Variants in BSDC1 observed in about 807,000 individuals in gnomAD.
BSDC1 encodes BSD domain-containing protein 1.
A neutral mutation model predicts 56.0 loss-of-function variants in BSDC1; 29 were observed. That is an observed-to-expected ratio of 0.52 (90% CI 0.39 to 0.71). BSDC1 has a LOEUF of 0.71. BSDC1 is among the 30% of genes least tolerant of loss of function. The pLI is 0.00. For synonymous variants in BSDC1, 210 were observed against 215.3 expected (o/e 0.98, Z 0.21); for missense variants, 477 against 548.5 (o/e 0.87, Z 1.30).
chr1:32,376,270 C>A lies in BSDC1; in HGVS notation c.1148G>T (p.Gly383Val). 1 of 1,497,776 alleles carries A rather than the reference C, an allele frequency of 6.7e-7. No homozygotes were observed. 92.8% of individuals were successfully genotyped at this position (1,497,776 alleles called of 1,614,324 possible). The part of the protein sequence containing the change: ...DSGKSTPSNN[G>V]KKGSSTDISE... ...TGGACCTCCAGACCTACCTTTCTTT[C>A]CATTGTTGGAGGGTGTAGACTTCCC... is the stretch of plus-strand genomic sequence containing the variant. The change falls in exon 9 of 11, where the codon GGA becomes GTA. Residue 383 changes from glycine to valine, a missense_variant. Physicochemically the swap from Gly to Val is moderately radical, Grantham distance 109. Transcript: ENST00000455895.
chr1:32,374,800 G>T (rs1345984449), intron 9 of BSDC1: 2 of 152,302 alleles, frequency 1.3e-5, no homozygotes, highest in African/African-American at 4.8e-5. Context: ...CCTGCTTTAT[G>T]CTTCCTCACA....
At position 32,383,128 on chromosome 1, in the gene BSDC1, C is replaced by T. The variant is rs563774162; in HGVS notation, c.357+702G>A. On this transcript the variant is annotated intron_variant, in intron 4 of 10. Transcript: ENST00000455895. ...AATGGAATAAATAATGCTATATTCA[C>T]TTGTAAGAATTTAAAGACATTAAAA... 1.3e-4 allele frequency among the ~76,000 whole-genome samples: 20 copies of T among 152,082 alleles called. No homozygotes were observed. The South Asian group carries it at 3.7e-3, about 28-fold the overall frequency.
At chr1:32,382,142 G>T (rs545994504) in intron 4 of BSDC1, among the ~76,000 whole-genome samples, 6 of 151,198 alleles carry the variant, frequency 4.0e-5, no homozygotes, top group South Asian at 2.1e-4. Flanking sequence ...CAGGAGAATC[G>T]CTTGAACCCA....
chr1:32,394,066 C>G lies in BSDC1; in HGVS notation c.72+14G>C, dbSNP rs1381562287. 1 of 1,605,074 alleles carries G rather than the reference C, an allele frequency of 6.2e-7. No homozygotes were observed. Among genetic ancestry groups the G allele is most frequent in the East Asian group, 2.2e-5 (1 of 44,448 alleles). The stretch of plus-strand genomic sequence containing the variant: ...GGGCCCTGCTGAGGGAAGAAGGGCA[C>G]GGGCCCGGCTTACCTTCTCTTTGAC... On this transcript the variant is annotated intron_variant, in intron 2 of 10. Transcript: ENST00000455895.
At chr1:32,377,084 G>A (rs1318028501) in intron 8 of BSDC1, among the ~76,000 whole-genome samples, 4 of 152,036 alleles carry the variant, frequency 2.6e-5, no homozygotes, top group Admixed American at 1.3e-4. Context: ...TGCAGTGGGC[G>A]GAGATTGCGC....
At chr1:32,382,099 C>T (rs538602480) in intron 4 of BSDC1, among the ~76,000 whole-genome samples, 3 of 151,948 alleles carry the variant, frequency 2.0e-5, no homozygotes, top group East Asian at 1.9e-4. Context: ...TGGTGATGTG[C>T]GCCTGTAATC....
At chr1:32,377,543 G>C (rs755857402) in intron 8 of BSDC1, among the ~76,000 whole-genome samples, 7 of 152,172 alleles carry the variant, frequency 4.6e-5, no homozygotes, top group Non-Finnish European at 8.8e-5. Flanking sequence ...TCTAAGCTGA[G>C]CTACAGGTAG....
At chr1:32,367,806 G>A (rs1370168400) in intron 10 of BSDC1, 7 of 897,488 alleles carry the variant, frequency 7.8e-6, no homozygotes, top group Non-Finnish European at 9.4e-6. Flanking sequence ...TCAGGCAATA[G>A]CCCTAAGGTG....
Position 32,394,417 on chromosome 1 carries a change from T to A in BSDC1, c.-3A>T, listed in dbSNP as rs1239708337. 1.2e-6 allele frequency: 2 copies of A among 1,614,190 alleles called. No individual in the cohort carries two copies. The highest frequency in any genetic ancestry group is 2.2e-5 in the South Asian group (2 of 91,082). Reference sequence around the variant, plus strand: ...CGACAAGCTCACCCTTCCGCCATCTTGCCTGCATGACATCACCACTATTTA... The same window carrying A: ...CGACAAGCTCACCCTTCCGCCATCTAGCCTGCATGACATCACCACTATTTA... On this transcript the variant is annotated 5_prime_UTR_variant, in exon 1 of 11. Transcript: ENST00000455895.
intron 10 of BSDC1, 37 bp downstream of exon 10, chr1:32,368,410 T>C (rs1641932813): frequency 1.2e-6 from 2 of 1,614,102 alleles, no homozygotes; most frequent in Non-Finnish European, 1.7e-6. Context: ...CCAGGACCAT[T>C]AGGCTCGCTT....
Position 32,378,224 on chromosome 1 carries a change from C to T in BSDC1, c.588G>A (p.Gln196=). 1 of 1,614,216 alleles carries T rather than the reference C, an allele frequency of 6.2e-7. No individual in the cohort carries two copies. The highest frequency in any genetic ancestry group is 8.5e-7 in the Non-Finnish European group (1 of 1,180,030). ...TGCTAGACCAGCATACCTGCTCTAACTGATGGACTTTATAGAAATACCGAT... is the reference window on the plus strand; with the variant it reads ...TGCTAGACCAGCATACCTGCTCTAATTGATGGACTTTATAGAAATACCGAT... ...FWHRYFYKVH[Q]LEQEQARRDA... is the part of the protein sequence containing the mutation. The change falls in exon 7 of 11, where the codon CAG becomes CAA. Residue 196 remains glutamine, a synonymous_variant. Coordinates refer to ENST00000455895, the MANE Select transcript of BSDC1 (RefSeq NM_018045.8). The surrounding 1 kb of genome is among the most constrained non-coding windows in gnomAD (Gnocchi z 5.2).
Position 32,394,418 on chromosome 1 carries a change from G to T in BSDC1, c.-4C>A. 1 of 1,614,112 alleles carries T rather than the reference G, an allele frequency of 6.2e-7. No individual in the cohort carries two copies. The highest frequency in any genetic ancestry group is 8.5e-7 in the Non-Finnish European group (1 of 1,180,036). On this transcript the variant is annotated 5_prime_UTR_variant, in exon 1 of 11. Transcript: ENST00000455895. ...GACAAGCTCACCCTTCCGCCATCTT[G>T]CCTGCATGACATCACCACTATTTAC...
At position 32,371,792 on chromosome 1, in the gene BSDC1, C is replaced by A. The variant is rs547612398; in HGVS notation, c.1157-3242G>T. On this transcript the variant is annotated intron_variant, in intron 9 of 10. Transcript: ENST00000455895. Reference sequence around the variant, plus strand: ...ATGGTATCCTGCATCATCCTCTCTTCTAGCCAGAGCATGGTCTCTGGGGCC... The same window carrying A: ...ATGGTATCCTGCATCATCCTCTCTTATAGCCAGAGCATGGTCTCTGGGGCC... Among the ~76,000 whole-genome samples the A allele has an allele frequency of 2.6e-5, 4 of 152,294 alleles. No individual in the cohort carries two copies. In the South Asian group the frequency reaches 8.3e-4, roughly 32 times the overall value.
At chr1:32,393,851 T>A in intron 2 of BSDC1, 1 of 522,770 alleles carries the variant, frequency 1.9e-6, no homozygotes, top group Non-Finnish European at 3.4e-6. Context: ...TACAAAACGT[T>A]CGTTAACTCC....
At chr1:32,372,388 C>T (rs1642123003) in intron 9 of BSDC1, among the ~76,000 whole-genome samples, 1 of 152,222 alleles carries the variant, frequency 6.6e-6, no homozygotes, top group African/African-American at 2.4e-5. Context: ...CTTTCCCTAA[C>T]CTCAGGTTGC....
At chr1:32,376,198 A>C (rs1642273186) in intron 9 of BSDC1, 64 bp downstream of exon 9, 2 of 1,385,348 alleles carry the variant, frequency 1.4e-6, no homozygotes, top group African/African-American at 2.8e-5. Context: ...ACAAGGAGAC[A>C]AATCTGCCTC....
chr1:32,388,157 A>G (rs1162595160), intron 2 of BSDC1, among the ~76,000 whole-genome samples: 1 of 152,044 alleles, frequency 6.6e-6, no homozygotes, highest in African/African-American at 2.4e-5. Flanking sequence ...ACACGGGGAT[A>G]ATCACCTGCA....
intron 4 of BSDC1, 120 bp from the exon 5 acceptor site, chr1:32,381,388 C>A (rs374257854): frequency 3.1e-6 from 3 of 956,270 alleles, no homozygotes; most frequent in Admixed American, 2.0e-5. Context: ...GGCTGGGATA[C>A]CCCCAGGGCA....
At chr1:32,373,105 G>A (rs1235668570) in intron 9 of BSDC1, among the ~76,000 whole-genome samples, 5 of 152,154 alleles carry the variant, frequency 3.3e-5, no homozygotes, top group Admixed American at 3.3e-4. Flanking sequence ...CCTAGGACTT[G>A]GGCCCAACAG....
Sources: gnomAD v4.1 joint callset for allele counts (sites outside exome capture counted in the v4.1 genomes callset) on GRCh38, gnomAD v4.1.1 for gene constraint, Gnocchi (gnomAD v3.1) non-coding constraint, MANE v1.5 for transcripts, NCBI Gene and HGNC (gene_info 2026-07-23, HGNC 2026-07-21) for gene names.